KLK7: variants seen among roughly 807,000 people sequenced by gnomAD.
KLK7 encodes the protein kallikrein related peptidase 7.
Under a neutral mutation model 21.0 loss-of-function variants are expected in KLK7, and 17 were observed. The ratio of observed to expected loss-of-function variants is 0.81; its 90% CI spans 0.55 to 1.21. The LOEUF (loss-of-function observed/expected upper bound fraction) is 1.21, where lower values mean the gene tolerates loss of function less well. Ranked by LOEUF, KLK7 falls within the 50% of genes most tolerant of loss-of-function variation. The pLI is 0.00. For missense variants in KLK7, 330 were observed against 322.8 expected (o/e 1.02, Z -0.17); for synonymous variants, 151 against 134.6 (o/e 1.12, Z -0.85).
intron 3 of KLK7, among the ~76,000 whole-genome samples, chr19:50,980,755 AG>A (rs1419838580): frequency 4.2e-5 from 2 of 48,182 alleles, no homozygotes; most frequent in Non-Finnish European, 7.2e-5. Flanking sequence ...CAGAGATAGG[AG>A]GGGGGACAGA....
upstream of KLK7, chr19:50,984,046 T>A: frequency 1.6e-6 from 1 of 625,842 alleles, no homozygotes; most frequent in Non-Finnish European, 2.5e-6. Context: ...TCTGGAACCC[T>A]GACGCAGCGA....
upstream of KLK7, chr19:50,984,030 T>A (rs1229295819): frequency 1.3e-6 from 1 of 768,904 alleles, no homozygotes; most frequent in Non-Finnish European, 1.9e-6. Flanking sequence ...TTTGCGGTTC[T>A]GGTTATCTGG....
In KLK7 at chr19:50,983,730, C is replaced by T. The variant is rs1004549578; in HGVS notation, c.-59+121G>A. 6 of 1,205,994 alleles carry T rather than the reference C, an allele frequency of 5.0e-6. No homozygotes were observed. The Admixed American group carries it at 1.1e-4, about 23-fold the overall frequency. 74.7% of individuals were successfully genotyped at this position (1,205,994 alleles called of 1,614,324 possible). A position where few individuals can be genotyped will look rare whatever the true frequency, so the allele number is the denominator to read the frequency against. ...AGGCCCCAAATTGCAGACTTCCAGG[C>T]CCTCACTGCTCAGGACCGGGAGTCT... is the stretch of plus-strand genomic sequence containing the variant. On this transcript the variant is annotated intron_variant, in intron 1 of 5. Coordinates refer to ENST00000595820, the MANE Select transcript of KLK7 (RefSeq NM_005046.4).
chr19:50,979,115 C>T (rs1390555877), intron 5 of KLK7, among the ~76,000 whole-genome samples: 3 of 151,844 alleles, frequency 2.0e-5, no homozygotes, highest in African/African-American at 7.3e-5. Flanking sequence ...GACAAAAGGC[C>T]AGAAAGAGGG....
chr19:50,979,843 AG>A lies in KLK7; in HGVS notation c.550del (p.Leu184TrpfsTer62). The A allele has an allele frequency of 1.3e-6, 2 of 1,582,422 alleles. No individual in the cohort carries two copies. The highest frequency in any genetic ancestry group is 1.7e-6 in the Non-Finnish European group (2 of 1,163,504). On this transcript the variant is annotated frameshift_variant, in exon 5 of 6. Coordinates refer to ENST00000595820, the MANE Select transcript of KLK7 (RefSeq NM_005046.4). LOFTEE classifies it high-confidence loss of function. ...QDCTKVYKDL[L>X]ENSMLCAGIP... Reference sequence around the variant, plus strand: ...GCCAGCGCACAGCATGGAATTTTCCAGTAAGTCCTTGTAAACCTTCGTGCAG... The same window carrying A: ...GCCAGCGCACAGCATGGAATTTTCCATAAGTCCTTGTAAACCTTCGTGCAG...
Position 50,980,341 on chromosome 19 carries a change from C to T in KLK7, c.368G>A (p.Arg123Lys). ...GACTTTCTTCACCATGGATGACAGC[C>T]TGGCCTGGCTATTGAGCTTCACGAG... is the stretch of plus-strand genomic sequence containing the variant. The part of the protein sequence containing the change: ...LMLVKLNSQA[R>K]LSSMVKKVRL... The change falls in exon 4 of 6, where the codon AGG becomes AAG. Residue 123 changes from arginine (R) to lysine (K), a missense_variant. Coordinates refer to ENST00000595820, the MANE Select transcript of KLK7 (RefSeq NM_005046.4). 6.2e-7 allele frequency: 1 copy of T among 1,614,056 alleles called. No individual in the cohort carries two copies. The highest frequency in any genetic ancestry group is 1.1e-5 in the South Asian group (1 of 91,078).
At position 50,977,235 on chromosome 19, in the gene KLK7, GAATA is replaced by G. The variant is rs2091044673; in HGVS notation, c.*297_*300del. 3.5e-6 allele frequency: 1 copy of G among 286,384 alleles called. No individual in the cohort carries two copies. 17.7% of individuals were successfully genotyped at this position (286,384 alleles called of 1,614,324 possible). On this transcript the variant is annotated 3_prime_UTR_variant, in exon 6 of 6. Coordinates refer to ENST00000595820, the MANE Select transcript of KLK7 (RefSeq NM_005046.4). ...TTAGAGTTACTGGGTCAAAGGTGGTGAATAAGGGTCTCGGTGTACGTTGACCAAG... is the reference window on the plus strand; with the variant it reads ...TTAGAGTTACTGGGTCAAAGGTGGTGAGGGTCTCGGTGTACGTTGACCAAG...
Position 50,983,859 on chromosome 19 carries a change from G to C in KLK7, c.-67C>G, listed in dbSNP as rs1431493953. On this transcript the variant is annotated 5_prime_UTR_variant, in exon 1 of 6. It adds an upstream start codon to the 5' untranslated region. Coordinates refer to ENST00000595820, the MANE Select transcript of KLK7 (RefSeq NM_005046.4). ...ATGAAGCCTCTTCTCACCTCGAGAG[G>C]ATCTGATGTGATCCAAGTTCCGACT... 2 of 1,289,200 alleles carry C rather than the reference G, an allele frequency of 1.6e-6. No homozygotes were observed. The highest frequency in any genetic ancestry group is 4.6e-5 in the Admixed American group (2 of 43,546). The allele number at this position is 1,289,200 out of a possible 1,614,324, so 79.9% of individuals were successfully genotyped here. A position where few individuals can be genotyped will look rare whatever the true frequency, so the allele number is the denominator to read the frequency against.
Position 50,982,388 on chromosome 19 carries a change from G to T in KLK7, c.12C>A (p.Ser4=), listed in dbSNP as rs749468597. The T allele has an allele frequency of 7.9e-5, 127 of 1,608,188 alleles. No homozygotes were observed. Among genetic ancestry groups the T allele is most frequent in the Admixed American group, 1.4e-4 (8 of 59,086 alleles). The change falls in exon 2 of 6, where the codon TCC becomes TCA. Residue 4 remains serine (S), a synonymous_variant. Transcript: ENST00000595820. MAR[S]LLLPLQILLL... is the part of the protein sequence containing the mutation. ...GTAAGATCTGCAGGGGCAGGAGAAG[G>T]GATCTTGCCATGGTGCCCTGCTGAG...
At chr19:50,983,976 C>G, upstream of KLK7, 1 of 1,265,280 alleles carries the variant, frequency 7.9e-7, no homozygotes, top group Non-Finnish European at 1.0e-6. Flanking sequence ...GCCCCAGCGC[C>G]CTGGGGTGCA....
At chr19:50,982,705 C>T (rs1434884227) in intron 1 of KLK7, among the ~76,000 whole-genome samples, 1 of 150,768 alleles carries the variant, frequency 6.6e-6, no homozygotes. Flanking sequence ...AGACCCCTAA[C>T]CTCCTCCTCC....
intron 5 of KLK7, among the ~76,000 whole-genome samples, chr19:50,978,488 TG>T (rs61088662): frequency 0.28 from 35,588 of 124,978 alleles, 4,696 homozygotes; most frequent in East Asian, 0.56. Context: ...GACAGAGAGA[TG>T]GGGGTGGAAA....
chr19:50,980,017 G>A, intron 4 of KLK7, 93 bp from the exon 5 acceptor site: 1 of 1,479,250 alleles, frequency 6.8e-7, no homozygotes, highest in South Asian at 1.3e-5. Context: ...CGAGGGAGGA[G>A]GGTCTGGGGC....
intron 1 of KLK7, among the ~76,000 whole-genome samples, chr19:50,983,476 TCCCTC>T (rs1428024387): frequency 2.7e-5 from 2 of 74,150 alleles, no homozygotes; most frequent in Non-Finnish European, 5.2e-5. Flanking sequence ...CAGCCCCTCC[TCCCTC>T]AGACCCAGGA....
chr19:50,983,016 T>C (rs550076912), intron 1 of KLK7, among the ~76,000 whole-genome samples: 7 of 5,596 alleles, frequency 1.3e-3, no homozygotes, highest in Admixed American at 3.3e-3. Flanking sequence ...TCCCTCAGGC[T>C]CAGGAGTCCA....
chr19:50,983,755 T>C (rs2122274398), intron 1 of KLK7, 96 bp downstream of exon 1: 2 of 1,261,782 alleles, frequency 1.6e-6, no homozygotes, highest in Non-Finnish European at 2.1e-6. Context: ...ACCGGGAGTC[T>C]AGGCTGCAGC....
rs767188185 is a variant in KLK7 at position 50,982,309 on chromosome 19, T to C, written c.73+18A>G. On this transcript the variant is annotated intron_variant, in intron 2 of 5. Transcript: ENST00000595820. ...GGGGGCCCTGAGGTGAGGTCAGACT[T>C]CCCAGTCCAGCTTTCACCTTCTTCT... The C allele has an allele frequency of 4.4e-6, 7 of 1,606,936 alleles. No homozygotes were observed. In the South Asian group the frequency reaches 7.8e-5, roughly 18 times the overall value.
At chr19:50,979,992 T>C (rs933446769) in intron 4 of KLK7, 68 bp from the exon 5 acceptor site, 1 of 1,531,910 alleles carries the variant, frequency 6.5e-7, no homozygotes, top group African/African-American at 1.4e-5. Flanking sequence ...GGGCTGTTGT[T>C]CAGGCTCCTG....
chr19:50,981,320 C>G (rs1317352244), intron 3 of KLK7, among the ~76,000 whole-genome samples: 1 of 127,100 alleles, frequency 7.9e-6, no homozygotes, highest in African/African-American at 3.2e-5. Flanking sequence ...GACAGAGACA[C>G]AGAGGGGAAC....
Sources: allele counts gnomAD v4.1 joint callset (sites outside exome capture counted in the v4.1 genomes callset), GRCh38; gene constraint gnomAD v4.1.1; transcripts MANE v1.5; gene names NCBI Gene and HGNC (gene_info 2026-07-23, HGNC 2026-07-21).